Variants in PARD3B observed in about 807,000 individuals in gnomAD.
The protein encoded by PARD3B is par-3 family cell polarity regulator beta.
Under a neutral mutation model 130.2 loss-of-function variants are expected in PARD3B, and 103 were observed. The ratio of observed to expected loss-of-function variants is 0.79; its 90% CI spans 0.67 to 0.93. The LOEUF is 0.93. Among genes scored for constraint, PARD3B ranks in the 40% least tolerant of loss-of-function variants. PARD3B has a pLI of 0.00. For synonymous variants in PARD3B, 583 were observed against 553.2 expected (o/e 1.05, Z -0.76); for missense variants, 1,609 against 1,499.2 (o/e 1.07, Z -1.21).
intron 20 of PARD3B, among the ~76,000 whole-genome samples, chr2:205,448,369 T>C (rs942038298): frequency 6.6e-6 from 1 of 152,228 alleles, no homozygotes; most frequent in Non-Finnish European, 1.5e-5. Flanking sequence ...ATGTCCATTG[T>C]CATTATTAGC....
At chr2:205,093,893 C>T in intron 4 of PARD3B, among the ~76,000 whole-genome samples, 1 of 152,162 alleles carries the variant, frequency 6.6e-6, no homozygotes, top group Non-Finnish European at 1.5e-5. Flanking sequence ...GTGTTTCTAC[C>T]CTTGCTCAAA....
intron 2 of PARD3B, among the ~76,000 whole-genome samples, chr2:204,794,475 C>A (rs2042301800): frequency 6.6e-6 from 1 of 152,060 alleles, no homozygotes; most frequent in South Asian, 2.1e-4. Context: ...TGGAGTGGAA[C>A]TGGCTTGTAG....
Position 205,458,327 on chromosome 2 carries a change from C to T in PARD3B, c.3044+17655C>T, listed in dbSNP as rs187067510. ...TCCATTTTCTTCTGTCTTTCTCTCTCTCTCCCTTCCTTCTGGGATCCAATA... is the reference window on the plus strand; with the variant it reads ...TCCATTTTCTTCTGTCTTTCTCTCTTTCTCCCTTCCTTCTGGGATCCAATA... On this transcript the variant is annotated intron_variant, in intron 20 of 22. Transcript: ENST00000406610. The surrounding 1 kb of genome is among the most constrained non-coding windows in gnomAD (Gnocchi z 4.8). 1.8e-3 allele frequency among the ~76,000 whole-genome samples: 268 copies of T among 152,034 alleles called. No homozygotes were observed. The highest frequency in any genetic ancestry group is 6.1e-3 in the African/African-American group (253 of 41,504).
intron 2 of PARD3B, among the ~76,000 whole-genome samples, chr2:204,891,211 G>A (rs1380822225): frequency 2.8e-5 from 4 of 144,730 alleles, no homozygotes; most frequent in African/African-American, 7.7e-5. Flanking sequence ...TTAACCTTGT[G>A]CTATTAAATA....
chr2:204,551,853 T>A (rs754834865), intron 1 of PARD3B, among the ~76,000 whole-genome samples: 5 of 152,162 alleles, frequency 3.3e-5, no homozygotes, highest in Non-Finnish European at 7.3e-5. Flanking sequence ...GTTAAAGACA[T>A]CTGAGGAGTG....
intron 16 of PARD3B, among the ~76,000 whole-genome samples, chr2:205,260,758 G>T (rs1338987398): frequency 6.6e-6 from 1 of 151,942 alleles, no homozygotes; most frequent in African/African-American, 2.4e-5. Flanking sequence ...TTTAATTGTT[G>T]TTTTTCCTAT....
intron 16 of PARD3B, among the ~76,000 whole-genome samples, chr2:205,262,435 A>G (rs2040350744): frequency 6.6e-6 from 1 of 152,062 alleles, no homozygotes; most frequent in Admixed American, 6.6e-5. Context: ...CTGGCTTTGC[A>G]CACACAATAC....
intron 21 of PARD3B, among the ~76,000 whole-genome samples, chr2:205,504,527 G>T (rs1217072688): frequency 1.3e-5 from 2 of 152,130 alleles, no homozygotes; most frequent in Admixed American, 6.5e-5. Flanking sequence ...AATCTACAAT[G>T]AACTCCAACA....
At chr2:204,756,604 C>G (rs762973235) in intron 2 of PARD3B, among the ~76,000 whole-genome samples, 1 of 152,100 alleles carries the variant, frequency 6.6e-6, no homozygotes, top group African/African-American at 2.4e-5. Context: ...AGGGAGAAGT[C>G]TCTCCATAAT....
At chr2:204,911,002 A>C (rs1231395389) in intron 2 of PARD3B, among the ~76,000 whole-genome samples, 1 of 152,186 alleles carries the variant, frequency 6.6e-6, no homozygotes, top group Non-Finnish European at 1.5e-5. Context: ...CACAGAACTA[A>C]TAATTTGATA....
Position 205,124,334 on chromosome 2 carries a change from A to T in PARD3B, c.1173A>T (p.Glu391Asp). The part of the protein sequence containing the change: ...KIKIDLKKGP[E>D]GLGFTVVTRD... ...CCTGTTCTTATACACTAGGCCCTGA[A>T]GGACTTGGTTTCACTGTGGTTACCA... The change falls in exon 9 of 23, where the codon GAA (glutamate) becomes GAT (aspartate). Residue 391 changes from glutamate to aspartate, a missense_variant. By Grantham distance (45) the Glu-to-Asp change is conservative (BLOSUM62 2). Coordinates refer to ENST00000406610, the MANE Select transcript of PARD3B (RefSeq NM_001302769.2). 6.4e-7 allele frequency: 1 copy of T among 1,563,172 alleles called. No homozygotes were observed. Among genetic ancestry groups the T allele is most frequent in the Non-Finnish European group, 8.7e-7 (1 of 1,153,596 alleles).
intron 21 of PARD3B, among the ~76,000 whole-genome samples, chr2:205,529,997 A>G (rs1214926395): frequency 6.6e-6 from 1 of 152,150 alleles, no homozygotes; most frequent in Non-Finnish European, 1.5e-5. Flanking sequence ...TAGAGAAACT[A>G]TACCAACTGC....
intron 18 of PARD3B, among the ~76,000 whole-genome samples, chr2:205,330,892 A>G (rs1030435055): frequency 1.3e-5 from 2 of 152,202 alleles, no homozygotes; most frequent in Non-Finnish European, 2.9e-5. Context: ...CGTTTCTCCT[A>G]AAGCAGACAT....
rs2055471504 is a variant in PARD3B, at chr2:205,617,444, T to C, written c.*1631T>C. On this transcript the variant is annotated 3_prime_UTR_variant, in exon 23 of 23. Coordinates refer to ENST00000406610, the MANE Select transcript of PARD3B (RefSeq NM_001302769.2). ...ATAAATTATAGTATTATTGAATACA[T>C]AGGACATCCCTCTACCCCAGCTTAC... 6.6e-6 allele frequency: 1 copy of C among 152,218 alleles called. No homozygotes were observed. The highest frequency in any genetic ancestry group is 6.5e-5 in the Admixed American group (1 of 15,282). 9.4% of individuals were successfully genotyped at this position (152,218 alleles called of 1,614,324 possible).
At chr2:204,800,346 G>T (rs1168332909) in intron 2 of PARD3B, among the ~76,000 whole-genome samples, 3 of 151,708 alleles carry the variant, frequency 2.0e-5, no homozygotes, top group Non-Finnish European at 4.4e-5. Flanking sequence ...AAGAGACAAA[G>T]AAAAAAATCA....
intron 2 of PARD3B, among the ~76,000 whole-genome samples, chr2:204,953,416 CACACAGAGAGAGAG>C (rs1407703132): frequency 2.6e-4 from 26 of 100,982 alleles, no homozygotes; most frequent in South Asian, 2.1e-3. Flanking sequence ...AACATACACA[CACACAGAGAGAGAG>C]AGAGAGAGAG....
At chr2:205,297,813 C>T (rs939757968) in intron 16 of PARD3B, among the ~76,000 whole-genome samples, 5 of 152,112 alleles carry the variant, frequency 3.3e-5, no homozygotes, top group Admixed American at 2.0e-4. Flanking sequence ...TTAATATTAC[C>T]ATGTATTACA....
intron 21 of PARD3B, among the ~76,000 whole-genome samples, chr2:205,547,298 T>C (rs1253174136): frequency 6.6e-6 from 1 of 152,188 alleles, no homozygotes; most frequent in Non-Finnish European, 1.5e-5. Context: ...TCTCTCCCCA[T>C]CAATCCACCG....
chr2:205,103,340 T>C, intron 4 of PARD3B, among the ~76,000 whole-genome samples: 1 of 140,936 alleles, frequency 7.1e-6, no homozygotes, highest in East Asian at 2.0e-4. Flanking sequence ...CATATTTTTA[T>C]TTATGTAAAA....
Sources: allele counts gnomAD v4.1 joint callset (sites outside exome capture counted in the v4.1 genomes callset), GRCh38; gene constraint gnomAD v4.1.1; non-coding constraint Gnocchi (gnomAD v3.1); transcripts MANE v1.5; gene names NCBI Gene and HGNC (gene_info 2026-07-23, HGNC 2026-07-21).